The following GAR1 variants were observed in gnomAD, a reference collection of about 807,000 sequenced individuals.
GAR1 encodes GAR1 ribonucleoprotein.
GAR1 carries 11 observed loss-of-function variants against 29.3 expected under a neutral mutation model. The ratio of observed to expected loss-of-function variants is 0.38; its 90% CI spans 0.24 to 0.62. The LOEUF (loss-of-function observed/expected upper bound fraction) is 0.62, where lower values mean the gene tolerates loss of function less well. Ranked by LOEUF, GAR1 falls within the 20% of genes least tolerant of loss-of-function variation. GAR1 has a pLI of 0.62. For missense variants in GAR1, 237 were observed against 268.4 expected (o/e 0.88, Z 0.82); for synonymous variants, 87 against 93.3 (o/e 0.93, Z 0.39).
chr4:109,822,938 A>G lies in GAR1; in HGVS notation c.571+450A>G, dbSNP rs565487202. Among the ~76,000 whole-genome samples, 8 of 152,330 alleles carry G rather than the reference A, an allele frequency of 5.3e-5. No individual in the cohort carries two copies. In the East Asian group the frequency reaches 7.7e-4, roughly 15 times the overall value. On this transcript the variant is annotated intron_variant, in intron 5 of 6. Transcript: ENST00000226796. ...GACTTACAGAAATTAATTTGCCCCA[A>G]TCAAACAATTGGCAGACCCAAGAAT... is the stretch of plus-strand genomic sequence containing the variant.
chr4:109,818,216 A>C (rs1178821572), intron 3 of GAR1, 126 bp downstream of exon 3: 1 of 657,654 alleles, frequency 1.5e-6, no homozygotes. Flanking sequence ...TACAGATTGG[A>C]CCATGAAGGA....
At chr4:109,819,391 C>T (rs775495369) in intron 4 of GAR1, 57 of 308,424 alleles carry the variant, frequency 1.8e-4, no homozygotes, top group Non-Finnish European at 2.8e-4. Flanking sequence ...GTAAAACTTA[C>T]GTTATTTGAG....
chr4:109,816,158 A>C lies in GAR1; in HGVS notation c.-7A>C. On this transcript the variant is annotated 5_prime_UTR_variant, in exon 2 of 7. Coordinates refer to ENST00000226796, the MANE Select transcript of GAR1 (RefSeq NM_018983.4). The stretch of plus-strand genomic sequence containing the variant: ...GGTCGTTTTTTTTTCATCAGGGAGG[A>C]GAGAGAATGTCTTTTCGAGGCGGAG... 6.4e-7 allele frequency: 1 copy of C among 1,567,482 alleles called. No homozygotes were observed. Among genetic ancestry groups the C allele is most frequent in the Non-Finnish European group, 8.7e-7 (1 of 1,146,428 alleles).
intron 1 of GAR1, 63 bp from the exon 2 acceptor site, chr4:109,816,090 G>C: frequency 6.8e-7 from 1 of 1,465,716 alleles, no homozygotes; most frequent in Non-Finnish European, 9.5e-7. Flanking sequence ...GCAGCTCCGA[G>C]GGGTTGGAGT....
rs773300408 is a variant in GAR1 at position 109,824,479 on chromosome 4, A to G, written c.*48A>G. On this transcript the variant is annotated 3_prime_UTR_variant, in exon 7 of 7. Coordinates refer to ENST00000226796, the MANE Select transcript of GAR1 (RefSeq NM_018983.4). ...CCAGTTGACTTCTGCATTAACCTGC[A>G]TGATCTGTTTCTACTATGGATTGGA... is the stretch of plus-strand genomic sequence containing the variant. 1.4e-6 allele frequency: 2 copies of G among 1,406,684 alleles called. No homozygotes were observed. The highest frequency in any genetic ancestry group is 1.2e-5 in the South Asian group (1 of 86,254). 87.1% of individuals were successfully genotyped at this position (1,406,684 alleles called of 1,614,324 possible). A position where few individuals can be genotyped will look rare whatever the true frequency, so the allele number is the denominator to read the frequency against.
intron 3 of GAR1, among the ~76,000 whole-genome samples, chr4:109,818,731 A>AT (rs1275024078): frequency 6.6e-6 from 1 of 151,596 alleles, no homozygotes; most frequent in African/African-American, 2.4e-5. Context: ...TGCCCGGCTG[A>AT]TTTTTGTATT....
chr4:109,820,936 C>T (rs1271291022), intron 4 of GAR1, among the ~76,000 whole-genome samples: 1 of 152,064 alleles, frequency 6.6e-6, no homozygotes, highest in East Asian at 1.9e-4. Flanking sequence ...TGGTAATAGC[C>T]ACTTAAATTC....
At chr4:109,822,678 TCTA>T (rs1158239489) in intron 5 of GAR1, 190 bp downstream of exon 5, 18 of 512,176 alleles carry the variant, frequency 3.5e-5, no homozygotes, top group Non-Finnish European at 5.5e-5. Flanking sequence ...AAGAAGAAAA[TCTA>T]CTAAAGTATA....
chr4:109,824,145 C>A, intron 6 of GAR1, 112 bp downstream of exon 6: 1 of 744,538 alleles, frequency 1.3e-6, no homozygotes, highest in Non-Finnish European at 2.3e-6. Flanking sequence ...TATAGAACAC[C>A]ATGGTGTTCT....
At chr4:109,816,598 T>C (rs940162491) in intron 2 of GAR1, among the ~76,000 whole-genome samples, 4 of 152,164 alleles carry the variant, frequency 2.6e-5, no homozygotes, top group African/African-American at 9.7e-5. Context: ...CGTGAGTACT[T>C]ATGCCTAATT....
chr4:109,821,478 C>T (rs1733510348), intron 4 of GAR1, among the ~76,000 whole-genome samples: 2 of 152,076 alleles, frequency 1.3e-5, no homozygotes, highest in African/African-American at 4.8e-5. Context: ...ATACAATATG[C>T]TCTTTACATC....
Position 109,816,151 on chromosome 4 carries a change from A to G in GAR1, c.-12-2A>G, listed in dbSNP as rs745496968. 1.9e-6 allele frequency: 3 copies of G among 1,609,310 alleles called. No individual in the cohort carries two copies. Among genetic ancestry groups the G allele is most frequent in the Admixed American group, 1.7e-5 (1 of 59,942 alleles). On this transcript the variant is annotated splice_acceptor_variant, in intron 1 of 6. Coordinates refer to ENST00000226796, the MANE Select transcript of GAR1 (RefSeq NM_018983.4). LOFTEE classifies it low-confidence loss of function (5UTR_SPLICE). ...AGACATAGGTCGTTTTTTTTTCATC[A>G]GGGAGGAGAGAGAATGTCTTTTCGA...
At position 109,818,457 on chromosome 4, in the gene GAR1, TTCTC is replaced by T. The variant is rs892472825; in HGVS notation, c.369+371_369+374del. Among the ~76,000 whole-genome samples the T allele has an allele frequency of 4.6e-5, 7 of 151,798 alleles. No homozygotes were observed. In the South Asian group the frequency reaches 6.2e-4, roughly 14 times the overall value. The stretch of plus-strand genomic sequence containing the variant: ...CCTTTCTCTCTCTCTCTTTTTCTCT[TTCTC>T]TCTTTCTTTCTTTCTCTCTCTTTCT... On this transcript the variant is annotated intron_variant, in intron 3 of 6. Transcript: ENST00000226796.
At chr4:109,817,278 A>T (rs570497012) in intron 2 of GAR1, among the ~76,000 whole-genome samples, 1 of 152,324 alleles carries the variant, frequency 6.6e-6, no homozygotes, top group South Asian at 2.1e-4. Flanking sequence ...TAATGCTGAT[A>T]ATAAAGGGTT....
intron 5 of GAR1, 26 bp from the exon 6 acceptor site, chr4:109,823,939 G>C (rs13109228): frequency 2.1e-6 from 3 of 1,453,048 alleles, no homozygotes; most frequent in African/African-American, 1.4e-5. Flanking sequence ...AATACTTTGC[G>C]TTATTATTTA....
At chr4:109,823,150 A>C (rs1733564804) in intron 5 of GAR1, among the ~76,000 whole-genome samples, 1 of 152,164 alleles carries the variant, frequency 6.6e-6, no homozygotes, top group African/African-American at 2.4e-5. Flanking sequence ...GGTGATGAGC[A>C]GGGCTCTGGG....
At chr4:109,822,569 C>T (rs1733543511) in intron 5 of GAR1, 81 bp downstream of exon 5, 2 of 1,405,040 alleles carry the variant, frequency 1.4e-6, no homozygotes, top group Non-Finnish European at 1.9e-6. Context: ...TAGCTTTGTA[C>T]ATAGCAAACC....
intron 5 of GAR1, among the ~76,000 whole-genome samples, chr4:109,822,999 A>C (rs1412796801): frequency 6.6e-6 from 1 of 152,234 alleles, no homozygotes; most frequent in Non-Finnish European, 1.5e-5. Context: ...GTCAAGAACT[A>C]TTACTAATAA....
intron 2 of GAR1, among the ~76,000 whole-genome samples, chr4:109,817,495 T>G (rs1434909373): frequency 6.6e-6 from 1 of 152,102 alleles, no homozygotes; most frequent in African/African-American, 2.4e-5. Context: ...TGAAGGCTGA[T>G]TCTGTTAGGC....
Sources: gnomAD v4.1 joint callset for allele counts (sites outside exome capture counted in the v4.1 genomes callset) on GRCh38, gnomAD v4.1.1 for gene constraint, MANE v1.5 for transcripts, NCBI Gene and HGNC (gene_info 2026-07-23, HGNC 2026-07-21) for gene names.